Variants in ZFPM2 observed in about 807,000 individuals in gnomAD.
ZFPM2 encodes zinc finger protein, FOG family member 2, also known as zinc finger protein ZFPM2.
In ZFPM2, 20 loss-of-function variants were observed where a neutral mutation model predicts 98.6. That is an observed-to-expected ratio of 0.20 (90% CI 0.14 to 0.29). ZFPM2 has a LOEUF of 0.29. Ranked by LOEUF, ZFPM2 falls within the 10% of genes least tolerant of loss-of-function variation. The pLI is 1.00. For missense variants in ZFPM2, 1,310 were observed against 1,388.6 expected (o/e 0.94, Z 0.90); for synonymous variants, 518 against 502.7 (o/e 1.03, Z -0.41).
chr8:105,554,137 T>C (rs943828346), intron 3 of ZFPM2, among the ~76,000 whole-genome samples: 1 of 152,156 alleles, frequency 6.6e-6, no homozygotes, highest in Non-Finnish European at 1.5e-5. Context: ...TATAAGGCAA[T>C]TTGTAGTCAC....
At position 105,515,296 on chromosome 8, in the gene ZFPM2, C is replaced by T. The variant is rs757235295; in HGVS notation, c.302-46067C>T. ...TACTGGAAATGCTTAATACTAATGC[C>T]GCTTTCCATCCTCTCTTCAAGAGGA... On this transcript the variant is annotated intron_variant, in intron 3 of 7. Transcript: ENST00000407775. Among the ~76,000 whole-genome samples the T allele has an allele frequency of 3.3e-5, 5 of 152,180 alleles. No homozygotes were observed. The South Asian group carries it at 6.2e-4, about 19-fold the overall frequency.
At chr8:105,456,932 C>T (rs1158680819) in intron 3 of ZFPM2, among the ~76,000 whole-genome samples, 2 of 152,178 alleles carry the variant, frequency 1.3e-5, no homozygotes, top group South Asian at 2.1e-4. Context: ...GGATTACAGA[C>T]GTGAGCCACT....
intron 5 of ZFPM2, among the ~76,000 whole-genome samples, chr8:105,683,573 A>G (rs1355049164): frequency 6.6e-6 from 1 of 152,146 alleles, no homozygotes; most frequent in Non-Finnish European, 1.5e-5. Flanking sequence ...ACACCCAGAC[A>G]ATCTTCCCTC....
chr8:105,762,567 C>T lies in ZFPM2; in HGVS notation c.533-26151C>T, dbSNP rs574802485. On this transcript the variant is annotated intron_variant, in intron 5 of 7. Coordinates refer to ENST00000407775, the MANE Select transcript of ZFPM2 (RefSeq NM_012082.4). Reference sequence around the variant, plus strand: ...AACAGATGGCTCTGAGCTGGGGATGCCAAGAGACCAGTATGTGCATCAAGT... The same window carrying T: ...AACAGATGGCTCTGAGCTGGGGATGTCAAGAGACCAGTATGTGCATCAAGT... Among the ~76,000 whole-genome samples the T allele has an allele frequency of 1.3e-4, 20 of 152,058 alleles. 1 individual carries two copies. In the South Asian group the frequency reaches 2.5e-3, roughly 19 times the overall value.
intron 3 of ZFPM2, among the ~76,000 whole-genome samples, chr8:105,448,492 G>C (rs138834105): frequency 9.2e-5 from 14 of 151,988 alleles, no homozygotes; most frequent in African/African-American, 3.1e-4. Flanking sequence ...GAAGTTCAAG[G>C]TGTAACATCA....
intron 3 of ZFPM2, among the ~76,000 whole-genome samples, chr8:105,458,693 C>G (rs1012033537): frequency 1.3e-5 from 2 of 152,118 alleles, no homozygotes; most frequent in Non-Finnish European, 2.9e-5. Context: ...TATGACATTA[C>G]TTTTAGTTAT....
At chr8:105,742,316 T>C (rs1308802482) in intron 5 of ZFPM2, among the ~76,000 whole-genome samples, 3 of 149,886 alleles carry the variant, frequency 2.0e-5, no homozygotes, top group African/African-American at 7.4e-5. Flanking sequence ...AGTTCAAGGC[T>C]GCACTGAACT....
At chr8:105,418,968 G>GT (rs1397610567) in intron 1 of ZFPM2, among the ~76,000 whole-genome samples, 176 bp from the exon 2 acceptor site, 2 of 151,978 alleles carry the variant, frequency 1.3e-5, no homozygotes, top group Admixed American at 6.6e-5. Flanking sequence ...TTCATCATAG[G>GT]TCATTGTTTC....
intron 4 of ZFPM2, among the ~76,000 whole-genome samples, chr8:105,626,021 GGAAA>G (rs1044374981): frequency 4.0e-5 from 6 of 151,108 alleles, no homozygotes; most frequent in Non-Finnish European, 4.4e-5. Context: ...AAGGAAGGAA[GGAAA>G]GAAAGAAAGA....
At position 105,801,415 on chromosome 8, in the gene ZFPM2, A is replaced by G. The variant is rs752172990; in HGVS notation, c.1333A>G (p.Thr445Ala). 6.2e-7 allele frequency: 1 copy of G among 1,613,844 alleles called. No individual in the cohort carries two copies. Among genetic ancestry groups the G allele is most frequent in the Non-Finnish European group, 8.5e-7 (1 of 1,179,852 alleles). The change falls in exon 8 of 8, where the codon ACT becomes GCT. Residue 445 changes from threonine (T) to alanine (A), a missense_variant. Thr to Ala is a moderately conservative substitution (Grantham distance 58). Coordinates refer to ENST00000407775, the MANE Select transcript of ZFPM2 (RefSeq NM_012082.4). ...AGAGCTGGACAAGTGTGAGAAAAAGACTCAGCTCTTTCTCACGAACCAGAG... is the reference window on the plus strand; with the variant it reads ...AGAGCTGGACAAGTGTGAGAAAAAGGCTCAGCTCTTTCTCACGAACCAGAG... ...DTELDKCEKK[T>A]QLFLTNQRPE... is the part of the protein sequence containing the mutation.
chr8:105,484,447 G>T (rs542840549), intron 3 of ZFPM2, among the ~76,000 whole-genome samples: 1 of 151,944 alleles, frequency 6.6e-6, no homozygotes, highest in Non-Finnish European at 1.5e-5. Flanking sequence ...ATAGTGATTT[G>T]TTATACCCTT....
At chr8:105,345,753 G>C (rs895375205) in intron 1 of ZFPM2, among the ~76,000 whole-genome samples, 1 of 152,080 alleles carries the variant, frequency 6.6e-6, no homozygotes, top group Admixed American at 6.6e-5. Flanking sequence ...CAAATGTTCT[G>C]TAATAAGATT....
intron 5 of ZFPM2, among the ~76,000 whole-genome samples, chr8:105,783,564 C>G (rs1813324342): frequency 6.6e-6 from 1 of 152,134 alleles, no homozygotes; most frequent in African/African-American, 2.4e-5. Context: ...ATCCCAGCCC[C>G]TGGCAACCAC....
chr8:105,676,866 T>G (rs1198334489), intron 5 of ZFPM2, among the ~76,000 whole-genome samples: 1 of 152,122 alleles, frequency 6.6e-6, no homozygotes, highest in Non-Finnish European at 1.5e-5. Context: ...TTTAAACTTG[T>G]CAAAAAGTGT....
At chr8:105,641,293 G>T (rs954298314) in intron 5 of ZFPM2, among the ~76,000 whole-genome samples, 4 of 151,978 alleles carry the variant, frequency 2.6e-5, no homozygotes, top group Non-Finnish European at 5.9e-5. Context: ...AATTATTAAT[G>T]ATGGTGGTAT....
chr8:105,637,061 T>C (rs1183662340), intron 5 of ZFPM2, among the ~76,000 whole-genome samples: 1 of 152,170 alleles, frequency 6.6e-6, no homozygotes, highest in Admixed American at 6.6e-5. Flanking sequence ...TGATACATAC[T>C]AGAATATGTT....
chr8:105,447,538 A>T (rs1267241623), intron 3 of ZFPM2, among the ~76,000 whole-genome samples: 1 of 152,090 alleles, frequency 6.6e-6, no homozygotes, highest in African/African-American at 2.4e-5. Context: ...GTTTTGTCAT[A>T]CTAATTGAGT....
At chr8:105,765,946 T>G (rs1586248213) in intron 5 of ZFPM2, among the ~76,000 whole-genome samples, 1 of 151,928 alleles carries the variant, frequency 6.6e-6, no homozygotes, top group Admixed American at 6.6e-5. Flanking sequence ...GGGCCTCATG[T>G]AGTTTACTCA....
intron 5 of ZFPM2, among the ~76,000 whole-genome samples, chr8:105,688,554 G>A (rs1430606027): frequency 1.3e-5 from 2 of 152,020 alleles, no homozygotes; most frequent in Non-Finnish European, 2.9e-5. Flanking sequence ...TTAAAATGTT[G>A]AGCAAGACAT....
Sources: gnomAD v4.1 joint callset for allele counts (sites outside exome capture counted in the v4.1 genomes callset) on GRCh38, gnomAD v4.1.1 for gene constraint, MANE v1.5 for transcripts, NCBI Gene and HGNC (gene_info 2026-07-23, HGNC 2026-07-21) for gene names.